The following ARHGEF6 variants were observed in gnomAD, a reference collection of about 807,000 sequenced individuals.
ARHGEF6 encodes the protein Rac/Cdc42 guanine nucleotide exchange factor 6, also known as rho guanine nucleotide exchange factor 6.
ARHGEF6 carries 9 observed loss-of-function variants against 70.3 expected under a neutral mutation model. That is an observed-to-expected ratio of 0.13 (90% CI 0.08 to 0.22). The LOEUF (loss-of-function observed/expected upper bound fraction) is 0.22, where lower values mean the gene tolerates loss of function less well. ARHGEF6 is among the 10% of genes least tolerant of loss of function. ARHGEF6 has a pLI of 1.00. For synonymous variants in ARHGEF6, 201 were observed against 207.8 expected (o/e 0.97, Z 0.28); for missense variants, 470 against 563.0 (o/e 0.83, Z 1.67).
chrX:136,706,934 T>C lies in ARHGEF6; in HGVS notation c.1020A>G (p.Ser340=). ...TGTGCTGAGTGAGCACATTTACAGC[T>C]GAAGGATGGTTTGCACAGTAAGCCA... ...MYLAYCANHP[S]AVNVLTQHSD... is the part of the protein sequence containing the mutation. The change falls in exon 9 of 22, where the codon TCA becomes TCG. Residue 340 remains serine (S), a synonymous_variant. Coordinates refer to ENST00000250617, the MANE Select transcript of ARHGEF6 (RefSeq NM_004840.3). 8.3e-7 allele frequency: 1 copy of C among 1,211,714 alleles called. No individual in the cohort carries two copies. Among genetic ancestry groups the C allele is most frequent in the Non-Finnish European group, 1.1e-6 (1 of 895,416 alleles).
intron 11 of ARHGEF6, among the ~76,000 whole-genome samples, chrX:136,687,468 T>C (rs1338859395): frequency 1.8e-5 from 2 of 112,499 alleles, no homozygotes; most frequent in Non-Finnish European, 3.8e-5. Flanking sequence ...TATAAAGCAC[T>C]TGCATTTTAG....
chrX:136,716,945 G>A (rs1206803166), intron 6 of ARHGEF6, among the ~76,000 whole-genome samples: 1 of 111,475 alleles, frequency 9.0e-6, no homozygotes, highest in East Asian at 2.8e-4. Context: ...AAGACTGGGG[G>A]TAAAAATAGA....
Position 136,676,727 on chromosome X carries a change from C to T in ARHGEF6, c.1852-10G>A, listed in dbSNP as rs1241264105. 1 of 1,144,473 alleles carries T rather than the reference C, an allele frequency of 8.7e-7. No individual in the cohort carries two copies. Among genetic ancestry groups the T allele is most frequent in the African/African-American group, 1.8e-5 (1 of 56,489 alleles). The allele number at this position is 1,144,473 out of a possible 1,213,427, so 94.3% of individuals were successfully genotyped here. Reference sequence around the variant, plus strand: ...GGCTTTTACTAGACTCCTGTGAGGACAGAGGTTTCTTAATGAATTAAAATT... The same window carrying T: ...GGCTTTTACTAGACTCCTGTGAGGATAGAGGTTTCTTAATGAATTAAAATT... On this transcript the variant is annotated splice_polypyrimidine_tract_variant and intron_variant, in intron 17 of 21. Coordinates refer to ENST00000250617, the MANE Select transcript of ARHGEF6 (RefSeq NM_004840.3).
chrX:136,696,771 T>C (rs191204461), intron 9 of ARHGEF6, among the ~76,000 whole-genome samples: 12 of 110,938 alleles, frequency 1.1e-4, no homozygotes, highest in African/African-American at 3.9e-4. Context: ...TATGACCAGC[T>C]CTCCCTTTTC....
chrX:136,723,577 T>C (rs2148634686), intron 6 of ARHGEF6, among the ~76,000 whole-genome samples: 1 of 112,085 alleles, frequency 8.9e-6, no homozygotes, highest in South Asian at 3.7e-4. Context: ...AGTACTATAT[T>C]TTATTAAGTA....
chrX:136,698,008 T>A (rs919407754), intron 9 of ARHGEF6, among the ~76,000 whole-genome samples: 11 of 112,054 alleles, frequency 9.8e-5, no homozygotes, highest in Non-Finnish European at 2.1e-4. Flanking sequence ...AAGGAAGCTA[T>A]GATGACAATG....
At chrX:136,743,158 T>C (rs1412675966) in intron 5 of ARHGEF6, among the ~76,000 whole-genome samples, 1 of 111,629 alleles carries the variant, frequency 9.0e-6, no homozygotes, top group Non-Finnish European at 1.9e-5. Context: ...TTATCTCTCA[T>C]GTCTGAGGCA....
At chrX:136,683,863 C>T (rs1297199283) in intron 12 of ARHGEF6, among the ~76,000 whole-genome samples, 1 of 111,528 alleles carries the variant, frequency 9.0e-6, no homozygotes, top group Middle Eastern at 4.6e-3. Context: ...TAGTTTTCCT[C>T]TACAGACACC....
intron 9 of ARHGEF6, among the ~76,000 whole-genome samples, chrX:136,699,594 C>T (rs926163249): frequency 1.4e-4 from 16 of 110,963 alleles, no homozygotes; most frequent in African/African-American, 5.3e-4. Context: ...ACCTCAAAAT[C>T]TGGAGAAACA....
chrX:136,761,177 G>A (rs1425188034), intron 2 of ARHGEF6, among the ~76,000 whole-genome samples: 4 of 112,065 alleles, frequency 3.6e-5, no homozygotes, highest in African/African-American at 9.7e-5. Flanking sequence ...GTCCTGAGCT[G>A]TTATAAAGGA....
intron 19 of ARHGEF6, among the ~76,000 whole-genome samples, chrX:136,674,428 T>C (rs1479719794): frequency 8.9e-6 from 1 of 112,668 alleles, no homozygotes; most frequent in Non-Finnish European, 1.9e-5. Context: ...TATCTTGCTT[T>C]CAGTTTGTAA....
intron 2 of ARHGEF6, among the ~76,000 whole-genome samples, chrX:136,766,047 G>A (rs2035146954): frequency 8.9e-6 from 1 of 112,761 alleles, no homozygotes; most frequent in Non-Finnish European, 1.9e-5. Context: ...TATTATGTAA[G>A]AAGGGACTGC....
At chrX:136,745,467 T>C in intron 3 of ARHGEF6, 120 bp from the exon 4 acceptor site, 3 of 940,082 alleles carry the variant, frequency 3.2e-6, no homozygotes, top group South Asian at 4.0e-5. Flanking sequence ...CTAACTGTTA[T>C]CATTATGAAC....
intron 2 of ARHGEF6, among the ~76,000 whole-genome samples, chrX:136,748,490 A>C (rs1331115916): frequency 8.9e-6 from 1 of 112,547 alleles, no homozygotes; most frequent in East Asian, 2.8e-4. Flanking sequence ...ATTGAGTCTC[A>C]AATATGTATA....
intron 6 of ARHGEF6, among the ~76,000 whole-genome samples, chrX:136,726,775 T>G (rs753400013): frequency 8.9e-6 from 1 of 112,719 alleles, no homozygotes. Context: ...TTTTCCTACT[T>G]GGATGGGGGG....
intron 5 of ARHGEF6, among the ~76,000 whole-genome samples, chrX:136,734,937 G>A (rs1265979889): frequency 2.7e-5 from 3 of 110,501 alleles, no homozygotes; most frequent in Non-Finnish European, 5.7e-5. Context: ...ACACCTATTC[G>A]AAAAAAAATA....
At chrX:136,686,709 C>CAT (rs35706788) in intron 11 of ARHGEF6, among the ~76,000 whole-genome samples, 8,920 of 62,920 alleles carry the variant, frequency 0.14, 590 homozygotes, top group East Asian at 0.21. Context: ...TATATATATA[C>CAT]ATATATATAT....
At chrX:136,754,454 G>A (rs1239720093) in intron 2 of ARHGEF6, among the ~76,000 whole-genome samples, 1 of 107,940 alleles carries the variant, frequency 9.3e-6, no homozygotes, top group Admixed American at 1.0e-4. Context: ...GTGCAGTGGT[G>A]GGCACCTGTA....
chrX:136,710,126 C>T (rs749563858), intron 7 of ARHGEF6, among the ~76,000 whole-genome samples: 1 of 108,040 alleles, frequency 9.3e-6, no homozygotes, highest in South Asian at 4.1e-4. Context: ...GCCAACATGG[C>T]GAAATCCCAT....
Sources: gnomAD v4.1 joint callset for allele counts (sites outside exome capture counted in the v4.1 genomes callset) on GRCh38, gnomAD v4.1.1 for gene constraint, MANE v1.5 for transcripts, NCBI Gene and HGNC (gene_info 2026-07-23, HGNC 2026-07-21) for gene names.